Variants in GDAP1 observed in about 807,000 individuals in gnomAD.
GDAP1 encodes the protein ganglioside-induced differentiation-associated protein 1.
A neutral mutation model predicts 40.1 loss-of-function variants in GDAP1; 34 were observed. That is an observed-to-expected ratio of 0.85 (90% CI 0.64 to 1.13). The LOEUF is 1.13. Ranked by LOEUF, GDAP1 falls within the 50% of genes most tolerant of loss-of-function variation. The pLI, the probability that GDAP1 is intolerant of heterozygous loss-of-function variation, is 0.00. For missense variants in GDAP1, 374 were observed against 433.7 expected (o/e 0.86, Z 1.22); for synonymous variants, 170 against 157.4 (o/e 1.08, Z -0.60).
intron 2 of GDAP1, among the ~76,000 whole-genome samples, chr8:74,422,649 A>C (rs1294476245): frequency 6.6e-6 from 1 of 151,680 alleles, no homozygotes; most frequent in African/African-American, 2.4e-5. Context: ...TCTTTATATG[A>C]TTGACTCATT....
In GDAP1 at chr8:74,364,732, A is replaced by G. The variant is rs982807152; in HGVS notation, c.*365A>G. On this transcript the variant is annotated 3_prime_UTR_variant, in exon 6 of 6. Coordinates refer to ENST00000220822, the MANE Select transcript of GDAP1 (RefSeq NM_018972.4). ...ACTTGTGGCTACTGCCCACACATAC[A>G]CTTCTGTAATTGAGAACTCTTAGGA... 4.3e-6 allele frequency: 2 copies of G among 464,396 alleles called. No homozygotes were observed. Among genetic ancestry groups the G allele is most frequent in the African/African-American group, 2.0e-5 (1 of 50,520 alleles). The allele number at this position is 464,396 out of a possible 1,614,324, so 28.8% of individuals were successfully genotyped here.
At chr8:74,438,063 G>T (rs1806115294) in intron 2 of GDAP1, among the ~76,000 whole-genome samples, 1 of 152,126 alleles carries the variant, frequency 6.6e-6, no homozygotes, top group Admixed American at 6.5e-5. Flanking sequence ...AAGGTCAAGA[G>T]ATTGAGACCA....
Position 74,364,654 on chromosome 8 carries a change from G to C in GDAP1, c.*287G>C, listed in dbSNP as rs1232510110. ...TAGAGCAATAGAAAGTAAGCTTCGG[G>C]TGCCTCCAACGTTCATGGCTGCCTG... On this transcript the variant is annotated 3_prime_UTR_variant, in exon 6 of 6. Coordinates refer to ENST00000220822, the MANE Select transcript of GDAP1 (RefSeq NM_018972.4). The C allele has an allele frequency of 3.7e-6, 2 of 535,602 alleles. No homozygotes were observed. Among genetic ancestry groups the C allele is most frequent in the African/African-American group, 3.8e-5 (2 of 53,204 alleles). 33.2% of individuals were successfully genotyped at this position (535,602 alleles called of 1,614,324 possible).
intron 2 of GDAP1, among the ~76,000 whole-genome samples, chr8:74,372,943 A>G (rs548581600): frequency 2.0e-5 from 3 of 152,156 alleles, no homozygotes; most frequent in Non-Finnish European, 2.9e-5. Context: ...TAATTTTTGT[A>G]TAAGATGTAA....
chr8:74,369,108 A>G (rs556075810), downstream of GDAP1, among the ~76,000 whole-genome samples: 4 of 152,318 alleles, frequency 2.6e-5, no homozygotes, highest in Admixed American at 2.6e-4. Context: ...AAAGCACAGG[A>G]CAAAACGTAC....
intron 2 of GDAP1, among the ~76,000 whole-genome samples, chr8:74,443,282 G>A (rs1212364886): frequency 6.6e-6 from 1 of 152,124 alleles, no homozygotes; most frequent in African/African-American, 2.4e-5. Flanking sequence ...AGACTGTAAA[G>A]AGCCTTTCTG....
At chr8:74,361,841 G>A (rs760092385) in intron 3 of GDAP1, 43 bp from the exon 4 acceptor site, 1 of 1,077,772 alleles carries the variant, frequency 9.3e-7, no homozygotes, top group South Asian at 1.2e-5. Context: ...TGGTGTAGAA[G>A]GGAGAAAATA....
At chr8:74,415,430 T>A (rs1805765890) in intron 2 of GDAP1, among the ~76,000 whole-genome samples, 1 of 150,106 alleles carries the variant, frequency 6.7e-6, no homozygotes, top group Non-Finnish European at 1.5e-5. Context: ...CACCCTGAAC[T>A]TTTTCCAAGA....
chr8:74,360,356 T>C (rs1191371863), intron 3 of GDAP1, 46 bp downstream of exon 3: 3 of 1,494,088 alleles, frequency 2.0e-6, no homozygotes, highest in Non-Finnish European at 1.9e-6. Context: ...GACACTTTCT[T>C]TTAATTCATT....
intron 2 of GDAP1, among the ~76,000 whole-genome samples, chr8:74,437,839 G>C (rs1360786067): frequency 6.6e-6 from 1 of 152,026 alleles, no homozygotes; most frequent in African/African-American, 2.4e-5. Flanking sequence ...GAATATACTC[G>C]AATATATCTA....
intron 2 of GDAP1, among the ~76,000 whole-genome samples, chr8:74,465,974 C>T (rs1039782880): frequency 1.3e-5 from 2 of 152,148 alleles, no homozygotes; most frequent in African/African-American, 4.8e-5. Flanking sequence ...TCATTCTTAA[C>T]TAATCACATT....
At chr8:74,434,412 G>A (rs1328837999) in intron 2 of GDAP1, among the ~76,000 whole-genome samples, 1 of 152,136 alleles carries the variant, frequency 6.6e-6, no homozygotes, top group Admixed American at 6.5e-5. Flanking sequence ...GAAGTAATTA[G>A]ACCATCAGTA....
intron 2 of GDAP1, among the ~76,000 whole-genome samples, chr8:74,441,734 G>T (rs1205517066): frequency 1.3e-5 from 2 of 152,108 alleles, no homozygotes; most frequent in Non-Finnish European, 2.9e-5. Flanking sequence ...TTTAATCTAA[G>T]AATTGGCATT....
chr8:74,364,010 C>T lies in GDAP1; in HGVS notation c.720C>T (p.Cys240=), dbSNP rs367790253. The T allele has an allele frequency of 7.5e-5, 121 of 1,613,588 alleles. No individual in the cohort carries two copies. Among genetic ancestry groups the T allele is most frequent in the East Asian group, 1.3e-4 (6 of 44,882 alleles). Residue 240 remains cysteine (C), a synonymous_variant, in exon 6 of 6, where the codon TGC becomes TGT. Transcript: ENST00000220822. ...AAGAGGGCCAGCAACCTTGGCTCTG[C>T]GGTGAATCCTTCACCCTGGCAGACG... is the stretch of plus-strand genomic sequence containing the variant. ...TPEEGQQPWL[C]GESFTLADVS...
In GDAP1 at chr8:74,365,446, CG is replaced by C; in HGVS notation, c.*1081del. On this transcript the variant is annotated 3_prime_UTR_variant, in exon 6 of 6. Transcript: ENST00000220822. ...TCAGTTCATGTGGAAGGGACAGTCT[CG>C]GTGTGTCCCATGAATAACCTTGGAA... The C allele has an allele frequency of 2.2e-6, 1 of 453,744 alleles. No individual in the cohort carries two copies. Among genetic ancestry groups the C allele is most frequent in the South Asian group, 1.6e-5 (1 of 64,438 alleles). 28.1% of individuals were successfully genotyped at this position (453,744 alleles called of 1,614,324 possible).
intron 2 of GDAP1, among the ~76,000 whole-genome samples, chr8:74,357,387 T>A (rs1809153448): frequency 6.6e-6 from 1 of 152,158 alleles, no homozygotes; most frequent in African/African-American, 2.4e-5. Context: ...AAATGTAATT[T>A]AAAAAAATGG....
intron 5 of GDAP1, among the ~76,000 whole-genome samples, chr8:74,363,719 G>A (rs956220164): frequency 2.6e-5 from 4 of 152,196 alleles, no homozygotes; most frequent in Admixed American, 1.3e-4. Flanking sequence ...AAAGTGATAA[G>A]CTCAAGTGGC....
chr8:74,423,492 T>C (rs1234982065), intron 2 of GDAP1, among the ~76,000 whole-genome samples: 4 of 150,576 alleles, frequency 2.7e-5, no homozygotes, highest in Non-Finnish European at 5.9e-5. Flanking sequence ...TCAAAAAATA[T>C]GTGATAGATG....
intron 2 of GDAP1, among the ~76,000 whole-genome samples, chr8:74,446,764 A>G (rs906344036): frequency 2.6e-5 from 4 of 152,202 alleles, no homozygotes; most frequent in Admixed American, 6.5e-5. Context: ...TTACAACAAG[A>G]TGAAATTTGA....
Sources: allele counts gnomAD v4.1 joint callset (sites outside exome capture counted in the v4.1 genomes callset), GRCh38; gene constraint gnomAD v4.1.1; transcripts MANE v1.5; gene names NCBI Gene and HGNC (gene_info 2026-07-23, HGNC 2026-07-21).